CCDC93: variants seen among roughly 807,000 people sequenced by gnomAD.
CCDC93 encodes the protein CCC complex scaffolding subunit CCDC93.
A neutral mutation model predicts 108.2 loss-of-function variants in CCDC93; 61 were observed. The ratio of observed to expected loss-of-function variants is 0.56; its 90% CI spans 0.46 to 0.70. The LOEUF (loss-of-function observed/expected upper bound fraction) is 0.70. CCDC93 is among the 30% of genes least tolerant of loss of function. The pLI is 0.00. For missense variants in CCDC93, 685 were observed against 764.2 expected (o/e 0.90, Z 1.22); for synonymous variants, 276 against 260.4 (o/e 1.06, Z -0.58).
chr2:117,928,189 A>G (rs1280562787), intron 23 of CCDC93, among the ~76,000 whole-genome samples: 1 of 152,216 alleles, frequency 6.6e-6, no homozygotes, highest in African/African-American at 2.4e-5. Context: ...ACCATTCAGG[A>G]CATAGGCATG....
intron 6 of CCDC93, among the ~76,000 whole-genome samples, chr2:117,988,187 G>T (rs1252380091): frequency 6.6e-6 from 1 of 151,680 alleles, no homozygotes; most frequent in Non-Finnish European, 1.5e-5. Context: ...ACACACACAG[G>T]GTTAAATATT....
At chr2:117,939,288 C>T (rs1394768025) in intron 19 of CCDC93, among the ~76,000 whole-genome samples, 177 bp from the exon 20 acceptor site, 1 of 152,138 alleles carries the variant, frequency 6.6e-6, no homozygotes, top group Non-Finnish European at 1.5e-5. Flanking sequence ...AGTCTCAGGA[C>T]CAATGAAAGG....
At chr2:117,940,867 C>A (rs1450054301) in intron 19 of CCDC93, among the ~76,000 whole-genome samples, 1 of 152,160 alleles carries the variant, frequency 6.6e-6, no homozygotes, top group Non-Finnish European at 1.5e-5. Context: ...TCTCTAGACA[C>A]CAGGGTCACG....
chr2:117,926,050 A>C (rs1227716213), intron 23 of CCDC93, among the ~76,000 whole-genome samples: 1 of 152,236 alleles, frequency 6.6e-6, no homozygotes. Context: ...GGTAGAGATA[A>C]AGATGTTCTT....
chr2:118,007,163 T>C (rs1274321320), intron 2 of CCDC93, among the ~76,000 whole-genome samples: 1 of 152,236 alleles, frequency 6.6e-6, no homozygotes, highest in East Asian at 1.9e-4. Flanking sequence ...ATCCTCTTTA[T>C]AGTCAAAAGG....
chr2:117,956,612 G>T (rs1008902761), intron 12 of CCDC93, among the ~76,000 whole-genome samples: 3 of 152,128 alleles, frequency 2.0e-5, no homozygotes, highest in African/African-American at 7.2e-5. Flanking sequence ...TCACCAGCAG[G>T]GGTCAGGAGT....
intron 11 of CCDC93, 57 bp downstream of exon 11, chr2:117,973,851 A>G: frequency 7.5e-7 from 1 of 1,339,406 alleles, no homozygotes; most frequent in Non-Finnish European, 1.1e-6. Context: ...AGGAAGTGGG[A>G]GAACAAAGCC....
chr2:117,933,387 T>C (rs548988929), intron 22 of CCDC93, among the ~76,000 whole-genome samples: 5 of 152,332 alleles, frequency 3.3e-5, no homozygotes, highest in South Asian at 4.1e-4. Context: ...AGACGTACCA[T>C]TGTTATTCCC....
At chr2:117,990,452 A>G (rs778888979) in intron 6 of CCDC93, among the ~76,000 whole-genome samples, 2 of 152,276 alleles carry the variant, frequency 1.3e-5, no homozygotes, top group Non-Finnish European at 2.9e-5. Flanking sequence ...GAACACGCCC[A>G]TCATAAGCTC....
At chr2:117,979,259 T>G (rs1453382661) in intron 7 of CCDC93, among the ~76,000 whole-genome samples, 1 of 152,118 alleles carries the variant, frequency 6.6e-6, no homozygotes, top group Non-Finnish European at 1.5e-5. Context: ...GTGTTTCACC[T>G]CACCACCAGC....
At chr2:117,923,383 A>C (rs1677952838) in intron 23 of CCDC93, among the ~76,000 whole-genome samples, 2 of 152,196 alleles carry the variant, frequency 1.3e-5, no homozygotes, top group Non-Finnish European at 2.9e-5. Context: ...AAGGGGTGAC[A>C]GATGGCACCT....
chr2:117,947,957 G>T (rs1355607572), intron 15 of CCDC93, 148 bp downstream of exon 15: 1 of 652,144 alleles, frequency 1.5e-6, no homozygotes, highest in South Asian at 1.8e-5. Flanking sequence ...GCTTCCCAAA[G>T]TGCTGGGATT....
intron 22 of CCDC93, among the ~76,000 whole-genome samples, chr2:117,932,358 T>C (rs1678368544): frequency 6.6e-6 from 1 of 152,190 alleles, no homozygotes; most frequent in South Asian, 2.1e-4. Context: ...TAGGTAAAAT[T>C]GACTGCATTT....
chr2:117,950,973 G>A (rs939832375), intron 13 of CCDC93: 12 of 985,194 alleles, frequency 1.2e-5, no homozygotes, highest in Non-Finnish European at 1.4e-5. Context: ...TTCATTTGAG[G>A]ATAGTCTTAT....
rs11299175 is a variant in CCDC93 at position 117,985,146 on chromosome 2, CAA to C, written c.620+821_620+822del. 1.5e-4 allele frequency among the ~76,000 whole-genome samples: 21 copies of C among 141,084 alleles called. 1 individual carries two copies. Among genetic ancestry groups the C allele is most frequent in the African/African-American group, 2.3e-4 (9 of 38,952 alleles). 92.6% of individuals were successfully genotyped at this position (141,084 alleles called of 152,430 possible). A position where few individuals can be genotyped will look rare whatever the true frequency, so the allele number is the denominator to read the frequency against. ...CTTAGGAAGAAAAAACAAAACAAAA[CAA>C]AAAAAAAAAAACATAAGCAATTGCA... On this transcript the variant is annotated intron_variant, in intron 7 of 23. Coordinates refer to ENST00000376300, the MANE Select transcript of CCDC93 (RefSeq NM_019044.5).
intron 16 of CCDC93, among the ~76,000 whole-genome samples, chr2:117,946,422 G>A (rs1678874721): frequency 6.6e-6 from 1 of 152,192 alleles, no homozygotes; most frequent in Non-Finnish European, 1.5e-5. Context: ...CATGTTTGTT[G>A]CTGCCTTTTG....
At chr2:117,960,216 C>A (rs1158632136) in intron 11 of CCDC93, among the ~76,000 whole-genome samples, 1 of 152,190 alleles carries the variant, frequency 6.6e-6, no homozygotes, top group Non-Finnish European at 1.5e-5. Context: ...GCCTTCTATT[C>A]ATGCTTTTCT....
At chr2:117,986,318 C>T (rs1368931095) in intron 6 of CCDC93, among the ~76,000 whole-genome samples, 2 of 152,058 alleles carry the variant, frequency 1.3e-5, no homozygotes, top group Non-Finnish European at 2.9e-5. Context: ...AAACGAAATA[C>T]GTGGCATGTA....
Position 117,940,545 on chromosome 2 carries a change from G to T in CCDC93, c.1522+644C>A, listed in dbSNP as rs576669200. On this transcript the variant is annotated intron_variant, in intron 19 of 23. Transcript: ENST00000376300. ...AAAGAAAGAGGCTCTATTCAGTAAG[G>T]CCTGAGGAGTTCCTGAAGATTTGTT... is the stretch of plus-strand genomic sequence containing the variant. Among the ~76,000 whole-genome samples the T allele has an allele frequency of 2.6e-5, 4 of 152,338 alleles. No homozygotes were observed. In the East Asian group the frequency reaches 7.7e-4, roughly 29 times the overall value.
Sources: gnomAD v4.1 joint callset for allele counts (sites outside exome capture counted in the v4.1 genomes callset) on GRCh38, gnomAD v4.1.1 for gene constraint, MANE v1.5 for transcripts, NCBI Gene and HGNC (gene_info 2026-07-23, HGNC 2026-07-21) for gene names.